PAG1: variants seen among roughly 807,000 people sequenced by gnomAD.
PAG1 encodes the protein phosphoprotein associated with glycosphingolipid-enriched microdomains 1.
In PAG1, 23 loss-of-function variants were observed where a neutral mutation model predicts 31.7. That is an observed-to-expected ratio of 0.73 (90% CI 0.52 to 1.03). The LOEUF (loss-of-function observed/expected upper bound fraction) is 1.03, where lower values mean the gene tolerates loss of function less well. PAG1 is among the 50% of genes least tolerant of loss of function. The pLI, the probability that PAG1 is intolerant of heterozygous loss-of-function variation, is 0.00. For missense variants in PAG1, 473 were observed against 540.7 expected (o/e 0.87, Z 1.24); for synonymous variants, 214 against 210.3 (o/e 1.02, Z -0.15).
intron 3 of PAG1, among the ~76,000 whole-genome samples, chr8:81,004,583 G>C (rs1001275689): frequency 1.3e-5 from 2 of 152,164 alleles, no homozygotes; most frequent in Non-Finnish European, 2.9e-5. Flanking sequence ...TCCTAATACA[G>C]AGCTGTATTT....
chr8:81,080,739 G>T (rs549706601), intron 1 of PAG1, among the ~76,000 whole-genome samples: 3 of 152,108 alleles, frequency 2.0e-5, no homozygotes, highest in Non-Finnish European at 4.4e-5. Context: ...AATTTAAAAA[G>T]AATAATCTAC....
At chr8:81,070,331 T>C (rs1274877643) in intron 1 of PAG1, among the ~76,000 whole-genome samples, 161 bp from the exon 2 acceptor site, 1 of 152,228 alleles carries the variant, frequency 6.6e-6, no homozygotes, top group Non-Finnish European at 1.5e-5. Context: ...ACTGCTTTAA[T>C]ACTATAATAA....
chr8:81,086,502 T>C (rs987319225), intron 1 of PAG1, among the ~76,000 whole-genome samples: 19 of 151,810 alleles, frequency 1.3e-4, no homozygotes, highest in African/African-American at 4.6e-4. Context: ...TGTGTGTGTG[T>C]GTGCGCGCGC....
chr8:81,014,964 C>T (rs1363074300), intron 3 of PAG1, among the ~76,000 whole-genome samples: 1 of 152,196 alleles, frequency 6.6e-6, no homozygotes, highest in African/African-American at 2.4e-5. Context: ...TGATCTCTAT[C>T]ATTTAAGGAC....
At chr8:81,043,362 G>A (rs551949927) in intron 2 of PAG1, among the ~76,000 whole-genome samples, 2 of 152,284 alleles carry the variant, frequency 1.3e-5, no homozygotes, top group South Asian at 4.1e-4. Flanking sequence ...GGTAAGCACT[G>A]TTAGAGTTCA....
intron 2 of PAG1, among the ~76,000 whole-genome samples, chr8:81,035,914 T>C (rs780375248): frequency 6.6e-6 from 1 of 152,224 alleles, no homozygotes; most frequent in Non-Finnish European, 1.5e-5. Context: ...TATACATGCA[T>C]ATATACACAG....
intron 2 of PAG1, among the ~76,000 whole-genome samples, chr8:81,046,749 C>A (rs1415932286): frequency 6.6e-6 from 1 of 151,954 alleles, no homozygotes; most frequent in Non-Finnish European, 1.5e-5. Flanking sequence ...CACAGGTAAA[C>A]GTGTGCCATG....
At chr8:81,016,037 T>C (rs2130703698) in intron 3 of PAG1, among the ~76,000 whole-genome samples, 1 of 152,290 alleles carries the variant, frequency 6.6e-6, no homozygotes, top group South Asian at 2.1e-4. Context: ...GAGAAGGTGG[T>C]CATCCAGTTG....
At chr8:80,982,334 C>A (rs1221141263) in intron 7 of PAG1, among the ~76,000 whole-genome samples, 1 of 152,088 alleles carries the variant, frequency 6.6e-6, no homozygotes, top group Non-Finnish European at 1.5e-5. Context: ...CTTCCCTGAC[C>A]TACCCGCTGC....
chr8:81,111,870 G>C lies in PAG1; in HGVS notation c.-513C>G, dbSNP rs1341411209. 2.0e-5 allele frequency: 3 copies of C among 152,240 alleles called. No individual in the cohort carries two copies. The highest frequency in any genetic ancestry group is 4.4e-5 in the Non-Finnish European group (3 of 68,066). 9.4% of individuals were successfully genotyped at this position (152,240 alleles called of 1,614,324 possible). A position where few individuals can be genotyped will look rare whatever the true frequency, so the allele number is the denominator to read the frequency against. ...GCTGCCTCCAGCCCCGGAGCGCGGC[G>C]CTCCGAGCCCCTGGTGGGTGTCTCT... On this transcript the variant is annotated 5_prime_UTR_variant, in exon 1 of 9. Coordinates refer to ENST00000220597, the MANE Select transcript of PAG1 (RefSeq NM_018440.4).
intron 2 of PAG1, among the ~76,000 whole-genome samples, chr8:81,057,290 A>C (rs1053730610): frequency 6.6e-6 from 1 of 152,160 alleles, no homozygotes; most frequent in African/African-American, 2.4e-5. Flanking sequence ...TTGTGGCACT[A>C]TTCGCACTAG....
At chr8:81,043,989 T>C (rs998120172) in intron 2 of PAG1, among the ~76,000 whole-genome samples, 2 of 152,202 alleles carry the variant, frequency 1.3e-5, no homozygotes, top group African/African-American at 4.8e-5. Flanking sequence ...ACTTGAAGAA[T>C]CTGGAGTGTG....
intron 2 of PAG1, among the ~76,000 whole-genome samples, chr8:81,037,606 A>C (rs894638260): frequency 9.9e-5 from 15 of 152,260 alleles, no homozygotes; most frequent in Non-Finnish European, 1.8e-4. Context: ...ACAAAGTAAG[A>C]TTAGATTCAG....
At chr8:80,978,012 C>T (rs2130342812) in intron 8 of PAG1, among the ~76,000 whole-genome samples, 1 of 152,302 alleles carries the variant, frequency 6.6e-6, no homozygotes, top group Non-Finnish European at 1.5e-5. Context: ...TTCCACTTTT[C>T]TCACATACTG....
chr8:81,066,270 G>A (rs1027146577), intron 2 of PAG1, among the ~76,000 whole-genome samples: 8 of 152,224 alleles, frequency 5.3e-5, no homozygotes, highest in Non-Finnish European at 1.0e-4. Flanking sequence ...GAAAACAGAG[G>A]AGTAAAACTT....
rs1395861576 is a variant in PAG1 at position 80,990,090 on chromosome 8, G to A, written c.177+1389C>T. On this transcript the variant is annotated intron_variant, in intron 5 of 8. Coordinates refer to ENST00000220597, the MANE Select transcript of PAG1 (RefSeq NM_018440.4). This position sits in a 1 kb window ranked among gnomAD's most constrained non-coding sequence, Gnocchi z 5.1. ...AGCAGCAATCACCAGGCAGAGCAGG[G>A]GCGCTGGGAACAGATGAGAAGTGGC... Among the ~76,000 whole-genome samples the A allele has an allele frequency of 6.6e-6, 1 of 152,040 alleles. No individual in the cohort carries two copies.
intron 1 of PAG1, among the ~76,000 whole-genome samples, chr8:81,074,801 T>TA (rs1158244399): frequency 6.6e-6 from 1 of 152,022 alleles, no homozygotes; most frequent in African/African-American, 2.4e-5. Flanking sequence ...AGACACCCTA[T>TA]AAAAAAGGGT....
At chr8:81,044,762 C>A (rs1808612359) in intron 2 of PAG1, among the ~76,000 whole-genome samples, 2 of 152,124 alleles carry the variant, frequency 1.3e-5, no homozygotes, top group Admixed American at 1.3e-4. Context: ...CTGCTCACAT[C>A]CAAAGGCTCT....
intron 2 of PAG1, among the ~76,000 whole-genome samples, chr8:81,059,382 A>G (rs1369831146): frequency 6.6e-6 from 1 of 152,160 alleles, no homozygotes; most frequent in Non-Finnish European, 1.5e-5. Flanking sequence ...TGTTTAGATA[A>G]AAATATTACA....
Sources: gnomAD v4.1 joint callset for allele counts (sites outside exome capture counted in the v4.1 genomes callset) on GRCh38, gnomAD v4.1.1 for gene constraint, Gnocchi (gnomAD v3.1) non-coding constraint, MANE v1.5 for transcripts, NCBI Gene and HGNC (gene_info 2026-07-23, HGNC 2026-07-21) for gene names.